Variants in INPP4B observed in about 807,000 individuals in gnomAD.
INPP4B encodes the protein inositol polyphosphate 4-phosphatase type II.
In INPP4B, 55 loss-of-function variants were observed where a neutral mutation model predicts 122.5. The observed-to-expected ratio is 0.45, with a 90% CI of 0.36 to 0.56. The LOEUF is 0.56. Among genes scored for constraint, INPP4B ranks in the 20% least tolerant of loss-of-function variants. INPP4B has a pLI of 0.00. For missense variants in INPP4B, 1,000 were observed against 1,097.7 expected (o/e 0.91, Z 1.26); for synonymous variants, 403 against 388.7 (o/e 1.04, Z -0.43).
At chr4:142,711,430 T>C (rs1326361188) in intron 2 of INPP4B, among the ~76,000 whole-genome samples, 1 of 152,024 alleles carries the variant, frequency 6.6e-6, no homozygotes, top group Non-Finnish European at 1.5e-5. Flanking sequence ...ACTGCTATAT[T>C]CCCAGCATCT....
At chr4:142,638,970 AGTT>A (rs1749780669) in intron 2 of INPP4B, among the ~76,000 whole-genome samples, 2 of 152,202 alleles carry the variant, frequency 1.3e-5, no homozygotes, top group South Asian at 4.1e-4. Context: ...GTTTATTGAA[AGTT>A]GTTATCATGA....
Position 142,398,434 on chromosome 4 carries a change from ATATATATAT to A in INPP4B, c.372+4495_372+4503del, listed in dbSNP as rs1464320675. Among the ~76,000 whole-genome samples, 14 of 84,896 alleles carry A rather than the reference ATATATATAT, an allele frequency of 1.6e-4. No individual in the cohort carries two copies. In the East Asian group the frequency reaches 2.1e-3, roughly 12 times the overall value. The allele number at this position is 84,896 out of a possible 152,430, so 55.7% of individuals were successfully genotyped here. A position where few individuals can be genotyped will look rare whatever the true frequency, so the allele number is the denominator to read the frequency against. On this transcript the variant is annotated intron_variant, in intron 7 of 25. Coordinates refer to ENST00000262992, the MANE Select transcript of INPP4B (RefSeq NM_001101669.3). ...TATATATATATATATATATATATATATATATATATATAAAACATATTAAACATAGTGCTT... is the reference window on the plus strand; with the variant it reads ...TATATATATATATATATATATATATAATAAAACATATTAAACATAGTGCTT...
intron 2 of INPP4B, among the ~76,000 whole-genome samples, chr4:142,644,257 G>C (rs1380429076): frequency 7.0e-6 from 1 of 143,718 alleles, no homozygotes; most frequent in Non-Finnish European, 1.5e-5. Flanking sequence ...GAGAAGGAAG[G>C]GGGTCAGGAG....
At chr4:142,687,260 T>G (rs1759479726) in intron 2 of INPP4B, among the ~76,000 whole-genome samples, 1 of 152,074 alleles carries the variant, frequency 6.6e-6, no homozygotes. Flanking sequence ...TTTTTGATTA[T>G]TTTTACTTAT....
At chr4:142,617,348 T>G (rs978725486) in intron 2 of INPP4B, among the ~76,000 whole-genome samples, 3 of 152,034 alleles carry the variant, frequency 2.0e-5, no homozygotes, top group African/African-American at 7.2e-5. Flanking sequence ...TCGCTCCAAC[T>G]CACACACATG....
chr4:142,175,894 C>T (rs944896734), intron 15 of INPP4B, among the ~76,000 whole-genome samples: 1 of 152,006 alleles, frequency 6.6e-6, no homozygotes, highest in African/African-American at 2.4e-5. Context: ...TACCCAGCAG[C>T]TCCAAGAGCA....
At chr4:142,222,500 C>A (rs1849763646) in intron 12 of INPP4B, among the ~76,000 whole-genome samples, 1 of 152,214 alleles carries the variant, frequency 6.6e-6, no homozygotes, top group Admixed American at 6.5e-5. Context: ...ACTTTTGTCC[C>A]ATTTTCTAAA....
At chr4:142,705,814 A>C (rs1033214430) in intron 2 of INPP4B, among the ~76,000 whole-genome samples, 1 of 152,234 alleles carries the variant, frequency 6.6e-6, no homozygotes, top group African/African-American at 2.4e-5. Flanking sequence ...TAATGCTGTC[A>C]AATAGTTAAG....
At chr4:142,613,675 T>C (rs1320951168) in intron 2 of INPP4B, among the ~76,000 whole-genome samples, 1 of 152,188 alleles carries the variant, frequency 6.6e-6, no homozygotes, top group Non-Finnish European at 1.5e-5. Flanking sequence ...AATGTTTAAA[T>C]CATTTAACAA....
At chr4:142,481,496 T>C (rs187947472) in intron 2 of INPP4B, among the ~76,000 whole-genome samples, 1 of 152,284 alleles carries the variant, frequency 6.6e-6, no homozygotes, top group Non-Finnish European at 1.5e-5. Flanking sequence ...TAGAAGTTTA[T>C]TTATTTAATT....
chr4:142,139,451 C>T (rs777758320), intron 18 of INPP4B, among the ~76,000 whole-genome samples: 7 of 152,004 alleles, frequency 4.6e-5, no homozygotes, highest in South Asian at 2.1e-4. Flanking sequence ...GGACTACAGG[C>T]GCGTGCTACC....
intron 2 of INPP4B, among the ~76,000 whole-genome samples, chr4:142,534,431 T>A (rs1462436255): frequency 1.3e-5 from 2 of 152,042 alleles, no homozygotes; most frequent in African/African-American, 2.4e-5. Context: ...AGGAGCATTC[T>A]CTTACTTTCC....
chr4:142,810,105 G>A (rs1779319145), intron 1 of INPP4B, among the ~76,000 whole-genome samples: 1 of 150,838 alleles, frequency 6.6e-6, no homozygotes, highest in South Asian at 2.1e-4. Flanking sequence ...AAGAGATGGA[G>A]GTTGCAGTGA....
intron 2 of INPP4B, among the ~76,000 whole-genome samples, chr4:142,481,817 A>T (rs75067713): frequency 0.035 from 5,268 of 152,258 alleles, 340 homozygotes; most frequent in African/African-American, 0.12. Context: ...TCTAGTATTA[A>T]CTAGCTATTG....
At chr4:142,362,934 C>T (rs909171736) in intron 7 of INPP4B, among the ~76,000 whole-genome samples, 1 of 151,974 alleles carries the variant, frequency 6.6e-6, no homozygotes, top group African/African-American at 2.4e-5. Flanking sequence ...CAAATCTCAG[C>T]CTCATGCAAT....
chr4:142,725,282 C>T (rs1466715096), intron 2 of INPP4B, among the ~76,000 whole-genome samples: 1 of 152,026 alleles, frequency 6.6e-6, no homozygotes, highest in Non-Finnish European at 1.5e-5. Context: ...TATAATCAGG[C>T]ACGCTATTCA....
chr4:142,405,115 G>A, intron 6 of INPP4B, 91 bp downstream of exon 6: 1 of 692,110 alleles, frequency 1.4e-6, no homozygotes, highest in Non-Finnish European at 2.6e-6. Context: ...GATGGGGCGG[G>A]GGTGGGGGGG....
intron 1 of INPP4B, among the ~76,000 whole-genome samples, chr4:142,780,831 C>T (rs547548752): frequency 4.6e-5 from 7 of 152,126 alleles, no homozygotes; most frequent in Admixed American, 4.6e-4. Flanking sequence ...CCAATTTTAA[C>T]CAAAATTTGA....
At chr4:142,636,073 T>C (rs1749093518) in intron 2 of INPP4B, among the ~76,000 whole-genome samples, 1 of 152,044 alleles carries the variant, frequency 6.6e-6, no homozygotes, top group African/African-American at 2.4e-5. Context: ...GTTCTAGTGG[T>C]AGTGAGTGAT....
Sources: allele counts gnomAD v4.1 joint callset (sites outside exome capture counted in the v4.1 genomes callset), GRCh38; gene constraint gnomAD v4.1.1; transcripts MANE v1.5; gene names NCBI Gene and HGNC (gene_info 2026-07-23, HGNC 2026-07-21).